The following MALT1 variants were observed in gnomAD, a reference collection of about 807,000 sequenced individuals.
MALT1 encodes mucosa-associated lymphoid tissue lymphoma translocation protein 1.
Under a neutral mutation model 85.5 loss-of-function variants are expected in MALT1, and 36 were observed. The ratio of observed to expected loss-of-function variants is 0.42; its 90% confidence interval spans 0.32 to 0.56. The LOEUF (loss-of-function observed/expected upper bound fraction) is 0.56. Among genes scored for constraint, MALT1 ranks in the 20% least tolerant of loss-of-function variants. MALT1 has a pLI of 0.10. For missense variants in MALT1, 716 were observed against 981.6 expected, an observed-to-expected ratio of 0.73 and a Z score of 3.62; for synonymous variants, 359 against 361.3, an observed-to-expected ratio of 0.99 and a Z score of 0.07.
intron 10 of MALT1, among the ~76,000 whole-genome samples, chr18:58,732,396 G>A (rs1254133268): frequency 6.6e-6 from 1 of 152,148 alleles, no homozygotes; most frequent in Non-Finnish European, 1.5e-5. Flanking sequence ...TGATTCATCT[G>A]TTGAGTCCTA....
intron 7 of MALT1, among the ~76,000 whole-genome samples, chr18:58,713,097 G>T (rs182647784): frequency 6.6e-6 from 1 of 151,912 alleles, no homozygotes; most frequent in East Asian, 1.9e-4. Context: ...GCCTAATACT[G>T]AAGGCAAAAA....
In MALT1 at chr18:58,704,323, T is replaced by G. The variant is rs112306818; in HGVS notation, c.649+3732T>G. Among the ~76,000 whole-genome samples, 1,093 of 152,344 alleles carry G rather than the reference T, an allele frequency of 7.2e-3. 15 individuals carry two copies. The highest frequency in any genetic ancestry group is 0.025 in the African/African-American group (1,042 of 41,572). ...AAGATTTCAGGTTACTCGCCCCATA[T>G]CTTGGCCAACATTGGTTGTTAGCTC... On this transcript the variant is annotated intron_variant, in intron 4 of 16. Coordinates refer to ENST00000649217, the MANE Select transcript of MALT1 (RefSeq NM_006785.4).
At position 58,753,696 on chromosome 18, in the gene MALT1, C is replaced by T. The variant is rs1312026381; in HGVS notation, c.*5854C>T. On this transcript the variant is annotated 3_prime_UTR_variant, in exon 17 of 17. Coordinates refer to ENST00000649217, the MANE Select transcript of MALT1 (RefSeq NM_006785.4). ...TTTTTCTTTGCTTGTTTACCTGTGT[C>T]TTGCAGATTTTACACAGTGAACAAT... 2 of 152,168 alleles carry T rather than the reference C, an allele frequency of 1.3e-5. No individual in the cohort carries two copies. Among genetic ancestry groups the T allele is most frequent in the African/African-American group, 2.4e-5 (1 of 41,434 alleles). 9.4% of individuals were successfully genotyped at this position (152,168 alleles called of 1,614,324 possible). A position where few individuals can be genotyped will look rare whatever the true frequency, so the allele number is the denominator to read the frequency against.
chr18:58,674,244 A>G (rs1331300367), intron 1 of MALT1: 1 of 152,230 alleles, frequency 6.6e-6, no homozygotes. Context: ...GCCTGCCTTC[A>G]GTCAGTTTTT....
At chr18:58,710,506 G>T (rs1305290172) in intron 6 of MALT1, among the ~76,000 whole-genome samples, 1 of 152,124 alleles carries the variant, frequency 6.6e-6, no homozygotes, top group African/African-American at 2.4e-5. Flanking sequence ...GCAACATAGT[G>T]AGATTCCATC....
chr18:58,676,130 C>G (rs2054236542), intron 1 of MALT1, among the ~76,000 whole-genome samples: 1 of 152,322 alleles, frequency 6.6e-6, no homozygotes, highest in East Asian at 1.9e-4. Flanking sequence ...AGCCACTTAA[C>G]TTCTCCCTGT....
intron 13 of MALT1, 185 bp from the exon 14 acceptor site, chr18:58,741,680 C>A: frequency 2.4e-6 from 1 of 416,176 alleles, no homozygotes. Flanking sequence ...AACACTTACA[C>A]ACATGAGTAA....
intron 10 of MALT1, among the ~76,000 whole-genome samples, chr18:58,730,915 G>A (rs1266226419): frequency 6.6e-6 from 1 of 152,138 alleles, no homozygotes; most frequent in African/African-American, 2.4e-5. Flanking sequence ...CCTCTTTGGA[G>A]AAGCATCAGA....
rs545933002 is a variant in MALT1, at chr18:58,741,663, A to G, written c.1604-202A>G. 10 of 379,222 alleles carry G rather than the reference A, an allele frequency of 2.6e-5. No homozygotes were observed. In the East Asian group the frequency reaches 3.7e-4, roughly 14 times the overall value. The allele number at this position is 379,222 out of a possible 1,614,324, so 23.5% of individuals were successfully genotyped here. ...AAAACCTAAAACATTGGCATATACT[A>G]TTTATGAACACTTACACACATGAGT... On this transcript the variant is annotated intron_variant, in intron 13 of 16. Transcript: ENST00000649217.
intron 2 of MALT1, among the ~76,000 whole-genome samples, chr18:58,687,913 C>T (rs1344803025): frequency 2.0e-5 from 3 of 152,200 alleles, no homozygotes; most frequent in African/African-American, 7.2e-5. Flanking sequence ...GTCACATTCT[C>T]CCAGGCTTAC....
intron 1 of MALT1, 89 bp downstream of exon 1, chr18:58,671,941 C>A (rs1256683121): frequency 3.2e-6 from 3 of 947,280 alleles, no homozygotes; most frequent in African/African-American, 1.7e-5. Context: ...TGGGGCTGAG[C>A]GCGGCGGGGG....
Position 58,671,627 on chromosome 18 carries a change from G to A in MALT1, c.-17G>A, listed in dbSNP as rs2054161549. ...GCGGGCGGGAGCCCCGGCAGTCCGG[G>A]GTCGCCGGCGAGGGCCATGTCGCTG... On this transcript the variant is annotated 5_prime_UTR_variant, in exon 1 of 17. Coordinates refer to ENST00000649217, the MANE Select transcript of MALT1 (RefSeq NM_006785.4). 5 of 1,212,030 alleles carry A rather than the reference G, an allele frequency of 4.1e-6. No homozygotes were observed. Among genetic ancestry groups the A allele is most frequent in the African/African-American group, 1.6e-5 (1 of 63,512 alleles). The allele number at this position is 1,212,030 out of a possible 1,614,324, so 75.1% of individuals were successfully genotyped here. A position where few individuals can be genotyped will look rare whatever the true frequency, so the allele number is the denominator to read the frequency against.
chr18:58,699,615 A>G (rs905753142), intron 3 of MALT1, among the ~76,000 whole-genome samples: 8 of 152,212 alleles, frequency 5.3e-5, no homozygotes, highest in African/African-American at 1.7e-4. Flanking sequence ...TCAGCATCCC[A>G]AATCTGAAAT....
At position 58,748,088 on chromosome 18, in the gene MALT1, G is replaced by GTTTATATGTATATAACAAAATATTTTC; in HGVS notation, c.*247_*273dup. 2 of 473,306 alleles carry GTTTATATGTATATAACAAAATATTTTC rather than the reference G, an allele frequency of 4.2e-6. No individual in the cohort carries two copies. The highest frequency in any genetic ancestry group is 7.6e-6 in the Non-Finnish European group (2 of 262,288). The allele number at this position is 473,306 out of a possible 1,614,324, so 29.3% of individuals were successfully genotyped here. A position where few individuals can be genotyped will look rare whatever the true frequency, so the allele number is the denominator to read the frequency against. ...ACAAATGAAGTATGGAGGTGTGTAT[G>GTTTATATGTATATAACAAAATATTTTC]TTTATATGTATATAACAAAATATTT... On this transcript the variant is annotated 3_prime_UTR_variant, in exon 17 of 17. Transcript: ENST00000649217.
chr18:58,726,173 T>G (rs1038497559), intron 10 of MALT1, among the ~76,000 whole-genome samples: 1 of 152,116 alleles, frequency 6.6e-6, no homozygotes, highest in Non-Finnish European at 1.5e-5. Flanking sequence ...TATAAAAACG[T>G]CATCTTGGAG....
At chr18:58,690,319 G>A (rs147629787) in intron 2 of MALT1, 1 of 152,482 alleles carries the variant, frequency 6.6e-6, no homozygotes, top group Non-Finnish European at 1.5e-5. Flanking sequence ...GATCAGTATG[G>A]TGTTGGTGGT....
At chr18:58,720,138 C>T (rs1273887408) in intron 9 of MALT1, among the ~76,000 whole-genome samples, 1 of 152,066 alleles carries the variant, frequency 6.6e-6, no homozygotes, top group African/African-American at 2.4e-5. Context: ...TTCACTTTTC[C>T]AATAAATTGT....
At chr18:58,726,714 A>T (rs138297791) in intron 10 of MALT1, among the ~76,000 whole-genome samples, 1 of 152,264 alleles carries the variant, frequency 6.6e-6, no homozygotes, top group Admixed American at 6.5e-5. Flanking sequence ...ATTTCTAGTT[A>T]TGTTGTATAG....
intron 4 of MALT1, among the ~76,000 whole-genome samples, chr18:58,703,173 A>G (rs1449035265): frequency 6.6e-6 from 1 of 152,252 alleles, no homozygotes; most frequent in South Asian, 2.1e-4. Context: ...CCTGACCAAC[A>G]TGGTGAAACC....
Sources: gnomAD v4.1 joint callset for allele counts (sites outside exome capture counted in the v4.1 genomes callset) on GRCh38, gnomAD v4.1.1 for gene constraint, MANE v1.5 for transcripts, NCBI Gene and HGNC (gene_info 2026-07-23, HGNC 2026-07-21) for gene names.